CDH23: variants seen among roughly 807,000 people sequenced by gnomAD.
CDH23 encodes cadherin related 23.
Under a neutral mutation model 317.1 loss-of-function variants are expected in CDH23, and 189 were observed. The observed-to-expected ratio is 0.60, with a 90% CI of 0.53 to 0.67. CDH23 has a LOEUF of 0.67. Ranked by LOEUF, CDH23 falls within the 30% of genes least tolerant of loss-of-function variation. The pLI, the probability that CDH23 is intolerant of heterozygous loss-of-function variation, is 0.00. For synonymous variants in CDH23, 1,839 were observed against 1,876.8 expected, an observed-to-expected ratio of 0.98 and a Z score of 0.52; for missense variants, 4,401 against 4,592.4, an observed-to-expected ratio of 0.96 and a Z score of 1.20.
intron 3 of CDH23, among the ~76,000 whole-genome samples, chr10:71,480,415 G>A (rs551402328): frequency 2.8e-4 from 43 of 152,368 alleles, no homozygotes; most frequent in Middle Eastern, 3.4e-3. Context: ...GGTCGGACGG[G>A]GGCTAGACTA....
intron 6 of CDH23, among the ~76,000 whole-genome samples, chr10:71,519,783 T>C (rs1854556132): frequency 6.6e-6 from 1 of 151,668 alleles, no homozygotes. Context: ...TTCTTTTTCT[T>C]TTTTCTTTTT....
chr10:71,500,210 A>G (rs893785329), intron 3 of CDH23, among the ~76,000 whole-genome samples: 7 of 152,242 alleles, frequency 4.6e-5, no homozygotes, highest in African/African-American at 1.7e-4. Flanking sequence ...TTGTGTATGT[A>G]TCAAAATATC....
chr10:71,752,843 C>T lies in CDH23; in HGVS notation c.4845+10922C>T. The T allele has an allele frequency of 4.5e-6, 5 of 1,107,628 alleles. No homozygotes were observed. The South Asian group carries it at 8.0e-5, about 18-fold the overall frequency. 68.6% of individuals were successfully genotyped at this position (1,107,628 alleles called of 1,614,324 possible). A position where few individuals can be genotyped will look rare whatever the true frequency, so the allele number is the denominator to read the frequency against. On this transcript the variant is annotated intron_variant, in intron 38 of 69. Transcript: ENST00000224721. The stretch of plus-strand genomic sequence containing the variant: ...CCAATCTGCACAGATGTGCAGGCTT[C>T]AGCAGCAGATGGCAGAGGCTCTTCT...
chr10:71,552,253 C>CAACAAG (rs1449408156), intron 6 of CDH23, among the ~76,000 whole-genome samples: 1 of 152,208 alleles, frequency 6.6e-6, no homozygotes, highest in African/African-American at 2.4e-5. Flanking sequence ...TCTGGGTTGT[C>CAACAAG]ACATTGATGT....
intron 10 of CDH23, 135 bp downstream of exon 10, chr10:71,615,751 C>T (rs1462704490): frequency 1.5e-6 from 1 of 650,064 alleles, no homozygotes; most frequent in South Asian, 1.8e-5. Flanking sequence ...TCTCACCCTG[C>T]ACTGCCTCCC....
Position 71,677,444 on chromosome 10 carries a change from G to C in CDH23, c.1515-12G>C. On this transcript the variant is annotated splice_polypyrimidine_tract_variant and intron_variant, in intron 15 of 69. Coordinates refer to ENST00000224721, the MANE Select transcript of CDH23 (RefSeq NM_022124.6). ...CGGTGTTCCTTCTCTCCATCCTCTC[G>C]GCCTGGCACAGGTTCTCGCTGGACA... is the stretch of plus-strand genomic sequence containing the variant. 3 of 1,590,782 alleles carry C rather than the reference G, an allele frequency of 1.9e-6. No homozygotes were observed. Among genetic ancestry groups the C allele is most frequent in the Non-Finnish European group, 8.6e-7 (1 of 1,166,168 alleles).
chr10:71,506,457 A>G (rs2132183874), intron 3 of CDH23, among the ~76,000 whole-genome samples: 1 of 152,352 alleles, frequency 6.6e-6, no homozygotes, highest in East Asian at 1.9e-4. Flanking sequence ...GATGCAAGGT[A>G]TATTGTTTCT....
At chr10:71,584,752 G>A (rs1478549758) in intron 9 of CDH23, among the ~76,000 whole-genome samples, 1 of 152,146 alleles carries the variant, frequency 6.6e-6, no homozygotes. Context: ...TTCTTCCCCT[G>A]AGAAGTAAAA....
chr10:71,469,036 G>T (rs188365416), intron 3 of CDH23, among the ~76,000 whole-genome samples: 1 of 152,114 alleles, frequency 6.6e-6, no homozygotes, highest in Non-Finnish European at 1.5e-5. Flanking sequence ...TGCCTCTTGC[G>T]TCCTAACACA....
chr10:71,547,823 T>G (rs1017856642), intron 6 of CDH23, among the ~76,000 whole-genome samples: 1 of 152,224 alleles, frequency 6.6e-6, no homozygotes, highest in Non-Finnish European at 1.5e-5. Flanking sequence ...TCTTTGAGAC[T>G]CCTGCAGAGG....
intron 3 of CDH23, among the ~76,000 whole-genome samples, chr10:71,505,462 A>G (rs2132180639): frequency 6.6e-6 from 1 of 152,320 alleles, no homozygotes; most frequent in South Asian, 2.1e-4. Context: ...CTTATCTATC[A>G]TCTTCCACAG....
chr10:71,672,210 G>C (rs1487343402), intron 14 of CDH23, among the ~76,000 whole-genome samples: 1 of 152,084 alleles, frequency 6.6e-6, no homozygotes, highest in Non-Finnish European at 1.5e-5. Context: ...TCAAGCGGAG[G>C]GGGCAGAGCC....
Position 71,785,725 on chromosome 10 carries a change from G to C in CDH23, c.5807G>C (p.Arg1936Pro). Residue 1936 changes from arginine (R) to proline (P), a missense_variant, in exon 44 of 70, where the codon CGC becomes CCC. Physicochemically the swap from Arg to Pro is moderately radical, Grantham distance 103. Transcript: ENST00000224721. ...GTGAAGGACAACCCGGAGAATCCAC[G>C]CATAGCCAGGAGGGTGAGACTGGAG... ...ISVKDNPENP[R>P]IARRDYDLLL... 6.2e-7 allele frequency: 1 copy of C among 1,601,428 alleles called. No individual in the cohort carries two copies. Among genetic ancestry groups the C allele is most frequent in the Non-Finnish European group, 8.5e-7 (1 of 1,172,888 alleles).
chr10:71,471,960 T>G (rs563417627), intron 3 of CDH23, among the ~76,000 whole-genome samples: 9 of 152,230 alleles, frequency 5.9e-5, no homozygotes, highest in Non-Finnish European at 1.3e-4. Context: ...AGAGTCAATG[T>G]GACTTCTAAT....
intron 1 of CDH23, among the ~76,000 whole-genome samples, chr10:71,409,717 C>T (rs993622566): frequency 6.6e-6 from 1 of 152,160 alleles, no homozygotes; most frequent in African/African-American, 2.4e-5. Context: ...TTCCCTAGGA[C>T]TAGAAAGGGA....
chr10:71,517,099 A>C (rs1359267044), intron 6 of CDH23, among the ~76,000 whole-genome samples: 1 of 152,238 alleles, frequency 6.6e-6, no homozygotes, highest in African/African-American at 2.4e-5. Flanking sequence ...GCAGACAGCC[A>C]TGCGGCTCCC....
Position 71,806,012 on chromosome 10 carries a change from CGGTGCGAGGGGCGGGGTCT to C in CDH23, c.8064+18_8064+36del, listed in dbSNP as rs1564803891. The C allele has an allele frequency of 1.9e-6, 1 of 525,780 alleles. No homozygotes were observed. The allele number at this position is 525,780 out of a possible 1,614,324, so 32.6% of individuals were successfully genotyped here. The stretch of plus-strand genomic sequence containing the variant: ...CGGTGTACAGCGTAAGGGCGGGGCC[CGGTGCGAGGGGCGGGGTCT>C]GGGGCGGGGCTTTCTTCTGGGGGCG... On this transcript the variant is annotated intron_variant, in intron 56 of 69. Transcript: ENST00000224721.
chr10:71,575,564 T>G (rs1858130347), intron 8 of CDH23, among the ~76,000 whole-genome samples: 1 of 152,134 alleles, frequency 6.6e-6, no homozygotes, highest in African/African-American at 2.4e-5. Context: ...GCCTGCACAC[T>G]GTAGCCTCTC....
intron 38 of CDH23, among the ~76,000 whole-genome samples, chr10:71,772,524 T>A (rs1295410890): frequency 6.6e-6 from 1 of 152,196 alleles, no homozygotes; most frequent in Non-Finnish European, 1.5e-5. Context: ...GGAGCCCCTG[T>A]GTTGGGGCCA....
Sources: allele counts gnomAD v4.1 joint callset (sites outside exome capture counted in the v4.1 genomes callset), GRCh38; gene constraint gnomAD v4.1.1; transcripts MANE v1.5; gene names NCBI Gene and HGNC (gene_info 2026-07-23, HGNC 2026-07-21).